TNPO3: variants seen among roughly 807,000 people sequenced by gnomAD.
TNPO3 encodes the protein transportin 3.
In TNPO3, 65 loss-of-function variants were observed where a neutral mutation model predicts 122.8. The ratio of observed to expected loss-of-function variants is 0.53; its 90% CI spans 0.43 to 0.65. The LOEUF (loss-of-function observed/expected upper bound fraction) is 0.65, where lower values mean the gene tolerates loss of function less well. Ranked by LOEUF, TNPO3 falls within the 30% of genes least tolerant of loss-of-function variation. The pLI, the probability that TNPO3 is intolerant of heterozygous loss-of-function variation, is 0.00. For synonymous variants in TNPO3, 372 were observed against 411.2 expected (o/e 0.90, Z 1.15); for missense variants, 850 against 1,136.7 (o/e 0.75, Z 3.63).
At chr7:129,032,152 T>C (rs1563109207) in intron 1 of TNPO3, among the ~76,000 whole-genome samples, 2 of 152,196 alleles carry the variant, frequency 1.3e-5, no homozygotes, top group Admixed American at 1.3e-4. Flanking sequence ...CTAACAGACT[T>C]TGACACCCTT....
intron 14 of TNPO3, among the ~76,000 whole-genome samples, chr7:128,981,328 A>G (rs1266955563): frequency 6.6e-6 from 1 of 152,258 alleles, no homozygotes; most frequent in Non-Finnish European, 1.5e-5. Flanking sequence ...ATTATAAATT[A>G]TGTTACTCAG....
chr7:129,022,166 C>T (rs1804597499), intron 1 of TNPO3, among the ~76,000 whole-genome samples: 1 of 152,076 alleles, frequency 6.6e-6, no homozygotes, highest in African/African-American at 2.4e-5. Flanking sequence ...GGGAGGCTTA[C>T]TTGAGGCCAG....
In TNPO3 at chr7:129,055,016, G is replaced by A. The variant is rs1809323811; in HGVS notation, c.-246C>T. 4.1e-6 allele frequency: 2 copies of A among 485,274 alleles called. No individual in the cohort carries two copies. Among genetic ancestry groups the A allele is most frequent in the Non-Finnish European group, 7.5e-6 (2 of 266,682 alleles). The allele number at this position is 485,274 out of a possible 1,614,324, so 30.1% of individuals were successfully genotyped here. On this transcript the variant is annotated 5_prime_UTR_variant, in exon 1 of 23. Coordinates refer to ENST00000265388, the MANE Select transcript of TNPO3 (RefSeq NM_012470.4). ...TTTTTCCACTTGATTCTAGACTCTT[G>A]AGTCCACAGATTCTGGCGCTCCCGT...
Position 128,954,411 on chromosome 7 carries a change from G to C in TNPO3, c.*1006C>G, listed in dbSNP as rs1796717699. 1 of 152,084 alleles carries C rather than the reference G, an allele frequency of 6.6e-6. No individual in the cohort carries two copies. The highest frequency in any genetic ancestry group is 2.1e-4 in the South Asian group (1 of 4,816). The allele number at this position is 152,084 out of a possible 1,614,324, so 9.4% of individuals were successfully genotyped here. ...CATACTAAATGACACATCATCCCTT[G>C]TTAGCCCTGTAAACATTTTTTCTCC... On this transcript the variant is annotated 3_prime_UTR_variant, in exon 23 of 23. Coordinates refer to ENST00000265388, the MANE Select transcript of TNPO3 (RefSeq NM_012470.4).
At chr7:129,004,930 A>G (rs967542233) in intron 5 of TNPO3, 86 bp downstream of exon 5, 14 of 1,421,294 alleles carry the variant, frequency 9.9e-6, no homozygotes, top group Admixed American at 2.2e-5. Flanking sequence ...TACTGTGCAA[A>G]AATTTAAAAA....
At chr7:129,044,687 T>G (rs1807812179) in intron 1 of TNPO3, among the ~76,000 whole-genome samples, 1 of 152,136 alleles carries the variant, frequency 6.6e-6, no homozygotes, top group Non-Finnish European at 1.5e-5. Flanking sequence ...ATGGTACAAG[T>G]GAGGGAAATA....
At chr7:128,969,473 G>GTAATTA (rs1355919477) in intron 20 of TNPO3, among the ~76,000 whole-genome samples, 9 of 79,124 alleles carry the variant, frequency 1.1e-4, no homozygotes, top group Non-Finnish European at 2.9e-4. Flanking sequence ...TGCTTTTACA[G>GTAATTA]TAATATTAAA....
chr7:129,001,229 C>T lies in TNPO3; in HGVS notation c.702G>A (p.Gln234=), dbSNP rs899599244. 3 of 1,601,938 alleles carry T rather than the reference C, an allele frequency of 1.9e-6. No individual in the cohort carries two copies. The highest frequency in any genetic ancestry group is 2.6e-6 in the Non-Finnish European group (3 of 1,170,532). Residue 234 remains glutamine (Q), a synonymous_variant, in exon 6 of 23, where the codon CAG becomes CAA. Coordinates refer to ENST00000265388, the MANE Select transcript of TNPO3 (RefSeq NM_012470.4). ...CATGTAGGTTAGACGAGGTCTTATC[C>T]TGTTGCTGGGGAGGTAGCAGGAATA... ...LLALLFEVLQ[Q]DKTSSNLHEA... is the part of the protein sequence containing the mutation.
chr7:129,026,198 T>C (rs1292402524), intron 1 of TNPO3, among the ~76,000 whole-genome samples: 4 of 151,784 alleles, frequency 2.6e-5, no homozygotes, highest in Non-Finnish European at 4.4e-5. Flanking sequence ...CTCAATTATC[T>C]GTACTTCTGA....
At chr7:129,046,284 C>T (rs11767238) in intron 1 of TNPO3, among the ~76,000 whole-genome samples, 41,132 of 151,324 alleles carry the variant, frequency 0.27, 6,496 homozygotes, top group Middle Eastern at 0.39. Context: ...GGCTACTACA[C>T]TGGATGACAC....
chr7:128,959,936 G>A (rs932659800), intron 21 of TNPO3, among the ~76,000 whole-genome samples: 5 of 152,130 alleles, frequency 3.3e-5, no homozygotes, highest in Admixed American at 2.0e-4. Flanking sequence ...CTGGAGGATC[G>A]CTTGAACCCA....
intron 7 of TNPO3, 26 bp downstream of exon 7, chr7:129,000,403 T>C (rs1212566541): frequency 3.2e-6 from 5 of 1,564,856 alleles, no homozygotes; most frequent in Admixed American, 1.9e-5. Flanking sequence ...TGGAGAATAA[T>C]GGCCTTTGAA....
intron 17 of TNPO3, 29 bp downstream of exon 17, chr7:128,975,785 CCTGAT>C (rs1419427932): frequency 1.5e-6 from 2 of 1,342,234 alleles, no homozygotes; most frequent in Admixed American, 3.4e-5. Context: ...ACCCTCTAGG[CCTGAT>C]GCGTCTACAC....
chr7:128,990,124 A>C (rs1015896607), intron 10 of TNPO3, 24 bp from the exon 11 acceptor site: 23 of 1,614,024 alleles, frequency 1.4e-5, no homozygotes, highest in Non-Finnish European at 1.9e-5. Flanking sequence ...GTAAGTACTC[A>C]CAGTTACTGA....
At chr7:129,042,865 CA>C (rs11286292) in intron 1 of TNPO3, among the ~76,000 whole-genome samples, 115,780 of 133,424 alleles carry the variant, frequency 0.87, 50,897 homozygotes, top group Middle Eastern at 0.96. Context: ...TCCCATCCTC[CA>C]AAAAAAAAAA....
At chr7:128,978,270 C>T (rs148979376) in intron 16 of TNPO3, among the ~76,000 whole-genome samples, 149 of 152,332 alleles carry the variant, frequency 9.8e-4, no homozygotes, top group African/African-American at 3.2e-3. Context: ...ACATATCAAT[C>T]TTAATGACTA....
rs778938425 is a variant in TNPO3 at position 128,954,604 on chromosome 7, G to C, written c.*813C>G. On this transcript the variant is annotated 3_prime_UTR_variant, in exon 23 of 23. Coordinates refer to ENST00000265388, the MANE Select transcript of TNPO3 (RefSeq NM_012470.4). ...GCAGACAACAAACTGATGTGGATTG[G>C]AAGTGGACTGAGAGAATGAACGGGG... 2 of 129,614 alleles carry C rather than the reference G, an allele frequency of 1.5e-5. No homozygotes were observed. The highest frequency in any genetic ancestry group is 3.1e-5 in the Non-Finnish European group (2 of 64,578). 8.0% of individuals were successfully genotyped at this position (129,614 alleles called of 1,614,324 possible).
Position 129,054,729 on chromosome 7 carries a change from T to C in TNPO3, c.42A>G (p.Ala14=), listed in dbSNP as rs1191168403. The C allele has an allele frequency of 3.1e-6, 5 of 1,614,202 alleles. No individual in the cohort carries two copies. Among genetic ancestry groups the C allele is most frequent in the Admixed American group, 1.7e-5 (1 of 60,028 alleles). Residue 14 remains alanine, a synonymous_variant, in exon 1 of 23, where the codon GCA becomes GCG. Coordinates refer to ENST00000265388, the MANE Select transcript of TNPO3 (RefSeq NM_012470.4). The stretch of plus-strand genomic sequence containing the variant: ...CTGGGTCGTGGTAAAGCGCCTGCAC[T>C]GCCTGGTACACGAGCTGCAATGTCG... ...AKPTLQLVYQ[A]VQALYHDPDP...
At chr7:129,040,254 CAA>C (rs57306586) in intron 1 of TNPO3, among the ~76,000 whole-genome samples, 27 of 79,504 alleles carry the variant, frequency 3.4e-4, no homozygotes, top group Admixed American at 7.6e-4. Context: ...GACGCCATCT[CAA>C]AAAAAAAAAA....
Sources: gnomAD v4.1 joint callset for allele counts (sites outside exome capture counted in the v4.1 genomes callset) on GRCh38, gnomAD v4.1.1 for gene constraint, MANE v1.5 for transcripts, NCBI Gene and HGNC (gene_info 2026-07-23, HGNC 2026-07-21) for gene names.